Variants in ANKS6 observed in about 807,000 individuals in gnomAD.
The protein encoded by ANKS6 is ankyrin repeat and SAM domain-containing protein 6.
Under a neutral mutation model 77.9 loss-of-function variants are expected in ANKS6, and 47 were observed. The observed-to-expected ratio is 0.60, with a 90% CI of 0.48 to 0.77. The LOEUF (loss-of-function observed/expected upper bound fraction) is 0.77. Among genes scored for constraint, ANKS6 ranks in the 30% least tolerant of loss-of-function variants. The probability of loss-of-function intolerance (pLI) is 0.00; values close to 1 mark genes in which losing one functional copy is unlikely to be tolerated. For missense variants in ANKS6, 1,150 were observed against 1,159.1 expected (o/e 0.99, Z 0.11); for synonymous variants, 488 against 501.7 (o/e 0.97, Z 0.37).
In ANKS6 at chr9:98,779,404, C is replaced by T. The variant is rs552605046; in HGVS notation, c.1368+785G>A. Among the ~76,000 whole-genome samples the T allele has an allele frequency of 1.1e-4, 17 of 152,286 alleles. No individual in the cohort carries two copies. The East Asian group carries it at 3.3e-3, about 29-fold the overall frequency. On this transcript the variant is annotated intron_variant, in intron 6 of 14. Coordinates refer to ENST00000353234, the MANE Select transcript of ANKS6 (RefSeq NM_173551.5). The stretch of plus-strand genomic sequence containing the variant: ...TGCACAGTAAAGCAGAGGCTGCAAA[C>T]GGATTCCTTGGGAAGAGAAGTGTTT...
At chr9:98,787,372 C>CTTT (rs564456975) in intron 2 of ANKS6, among the ~76,000 whole-genome samples, 6 of 141,224 alleles carry the variant, frequency 4.2e-5, no homozygotes, top group Admixed American at 1.4e-4. Flanking sequence ...TTACACTGCC[C>CTTT]TTTTTTTTTT....
chr9:98,780,154 G>GC, intron 6 of ANKS6, 35 bp downstream of exon 6: 1 of 1,610,450 alleles, frequency 6.2e-7, no homozygotes, highest in Non-Finnish European at 8.5e-7. Context: ...CATCTCCCTA[G>GC]CCCCCAAGCC....
At chr9:98,778,049 C>T (rs1834009068) in intron 7 of ANKS6, among the ~76,000 whole-genome samples, 177 bp downstream of exon 7, 1 of 152,158 alleles carries the variant, frequency 6.6e-6, no homozygotes, top group Admixed American at 6.5e-5. Context: ...TTCTATCACA[C>T]TCTTGGTGGT....
intron 1 of ANKS6, among the ~76,000 whole-genome samples, chr9:98,795,698 C>T (rs548408605): frequency 1.3e-5 from 2 of 152,116 alleles, no homozygotes; most frequent in South Asian, 2.1e-4. Flanking sequence ...TCACCTGCCC[C>T]ACAGCTACTC....
intron 11 of ANKS6, among the ~76,000 whole-genome samples, chr9:98,760,783 A>G (rs1832963340): frequency 8.4e-6 from 1 of 118,994 alleles, no homozygotes; most frequent in Admixed American, 8.9e-5. Context: ...TACTACAATT[A>G]GTTTATCTAT....
chr9:98,773,848 G>C, intron 9 of ANKS6, 29 bp downstream of exon 9: 5 of 1,495,624 alleles, frequency 3.3e-6, no homozygotes, highest in Non-Finnish European at 4.4e-6. Context: ...AGTGAGTGAT[G>C]TGTAAAAGTG....
chr9:98,750,594 A>G (rs923645511), intron 13 of ANKS6, among the ~76,000 whole-genome samples: 17 of 152,224 alleles, frequency 1.1e-4, no homozygotes, highest in Non-Finnish European at 2.4e-4. Flanking sequence ...AGGAAGTGCC[A>G]AACTGCAGAA....
At chr9:98,782,110 G>T (rs1266116171) in intron 5 of ANKS6, among the ~76,000 whole-genome samples, 1 of 152,092 alleles carries the variant, frequency 6.6e-6, no homozygotes, top group African/African-American at 2.4e-5. Flanking sequence ...TTATCAAAGG[G>T]GACTTTATGT....
intron 10 of ANKS6, 43 bp from the exon 11 acceptor site, chr9:98,768,293 C>G: frequency 6.2e-7 from 1 of 1,608,008 alleles, no homozygotes; most frequent in Non-Finnish European, 8.5e-7. Flanking sequence ...GCACAGAGGG[C>G]TTACTCCAAC....
rs895812896 is a variant in ANKS6, at chr9:98,734,565, G to A, written c.*1954C>T. On this transcript the variant is annotated 3_prime_UTR_variant, in exon 15 of 15. Transcript: ENST00000353234. ...GAATCACAAGTGCTTCTAGCTCCAG[G>A]AGTCTATAGGAGTTAGTGGAAAAGG... 4.1e-5 allele frequency: 40 copies of A among 985,326 alleles called. No homozygotes were observed. Among genetic ancestry groups the A allele is most frequent in the Non-Finnish European group, 4.7e-5 (39 of 829,952 alleles). The allele number at this position is 985,326 out of a possible 1,614,324, so 61.0% of individuals were successfully genotyped here.
At chr9:98,781,030 A>G (rs976134889) in intron 5 of ANKS6, among the ~76,000 whole-genome samples, 1 of 151,440 alleles carries the variant, frequency 6.6e-6, no homozygotes, top group African/African-American at 2.4e-5. Flanking sequence ...CCTCCCATGT[A>G]GCTGGGGCTA....
chr9:98,743,954 G>A (rs1831979667), intron 14 of ANKS6, among the ~76,000 whole-genome samples: 2 of 152,192 alleles, frequency 1.3e-5, no homozygotes, highest in South Asian at 2.1e-4. Context: ...CCTGACAGCC[G>A]AGATCTGCCC....
intron 11 of ANKS6, among the ~76,000 whole-genome samples, chr9:98,759,189 G>C (rs763979535): frequency 1.1e-4 from 17 of 151,980 alleles, no homozygotes; most frequent in Admixed American, 4.6e-4. Context: ...ATGTCCTTAA[G>C]TGGTCCTTTT....
At chr9:98,756,227 TTACCA>T (rs1193677436) in intron 12 of ANKS6, among the ~76,000 whole-genome samples, 188 bp downstream of exon 12, 2 of 152,160 alleles carry the variant, frequency 1.3e-5, no homozygotes, top group Non-Finnish European at 2.9e-5. Context: ...TTGAGGGAGC[TTACCA>T]TACCTTTAGC....
chr9:98,739,758 A>ATTTTCTTTTTTTTTTTTTTTT (rs1554731569), intron 14 of ANKS6, among the ~76,000 whole-genome samples: 1 of 88,858 alleles, frequency 1.1e-5, no homozygotes, highest in Non-Finnish European at 2.1e-5. Flanking sequence ...TGGATTAAAC[A>ATTTTCTTTTTTTTTTTTTTTT]TTTTTTTTTT....
chr9:98,752,558 G>A (rs1222328425), intron 12 of ANKS6, among the ~76,000 whole-genome samples: 1 of 152,188 alleles, frequency 6.6e-6, no homozygotes, highest in African/African-American at 2.4e-5. Context: ...AGGATGAGGA[G>A]GATGAAAGCT....
intron 7 of ANKS6, 137 bp downstream of exon 7, chr9:98,778,089 A>G (rs1834012391): frequency 8.6e-6 from 9 of 1,050,142 alleles, no homozygotes; most frequent in Non-Finnish European, 1.1e-5. Flanking sequence ...CTTTTCCACC[A>G]GACCAGCCTC....
At chr9:98,753,409 A>C (rs1564185817) in intron 12 of ANKS6, among the ~76,000 whole-genome samples, 1 of 152,196 alleles carries the variant, frequency 6.6e-6, no homozygotes, top group Non-Finnish European at 1.5e-5. Flanking sequence ...TTTTTGTGCT[A>C]CTCACAAGAT....
chr9:98,781,968 G>C (rs1250307421), intron 5 of ANKS6, among the ~76,000 whole-genome samples: 1 of 152,146 alleles, frequency 6.6e-6, no homozygotes, highest in Non-Finnish European at 1.5e-5. Context: ...GGTCAAAGGG[G>C]AGTAGCAGGT....
Sources: allele counts gnomAD v4.1 joint callset (sites outside exome capture counted in the v4.1 genomes callset), GRCh38; gene constraint gnomAD v4.1.1; transcripts MANE v1.5; gene names NCBI Gene and HGNC (gene_info 2026-07-23, HGNC 2026-07-21).